The following RBFOX1 variants were observed in gnomAD, a reference collection of about 807,000 sequenced individuals.
RBFOX1 encodes RNA binding protein fox-1 homolog 1.
Under a neutral mutation model 57.7 loss-of-function variants are expected in RBFOX1, and 8 were observed. The observed-to-expected ratio is 0.14, with a 90% CI of 0.08 to 0.25. The LOEUF (loss-of-function observed/expected upper bound fraction) is 0.25, where lower values mean the gene tolerates loss of function less well. Ranked by LOEUF, RBFOX1 falls within the 10% of genes least tolerant of loss-of-function variation. The pLI is 1.00. For synonymous variants in RBFOX1, 326 were observed against 222.4 expected (o/e 1.47, Z -4.15); for missense variants, 611 against 548.5 (o/e 1.11, Z -1.14).
At position 7,211,736 on chromosome 16, in the gene RBFOX1, G is replaced by C. The variant is rs558892652; in HGVS notation, c.27+159638G>C. On this transcript the variant is annotated intron_variant, in intron 4 of 15. Transcript: ENST00000550418. ...CCTTTTCAGCTCTCGTGCCAGGTGG[G>C]CATTCGCCTGAACTAGGAGGACTCG... 2.0e-5 allele frequency among the ~76,000 whole-genome samples: 3 copies of C among 152,256 alleles called. No homozygotes were observed. The South Asian group carries it at 6.2e-4, about 32-fold the overall frequency.
chr16:5,944,529 T>C (rs1353957555), intron 4 of RBFOX1, among the ~76,000 whole-genome samples: 1 of 151,990 alleles, frequency 6.6e-6, no homozygotes, highest in Non-Finnish European at 1.5e-5. Flanking sequence ...TACATCTGGC[T>C]GCAAATCCCG....
intron 3 of RBFOX1, among the ~76,000 whole-genome samples, chr16:5,850,730 G>C (rs2056874167): frequency 6.6e-6 from 1 of 152,180 alleles, no homozygotes; most frequent in African/African-American, 2.4e-5. Flanking sequence ...GAGAGTCAGT[G>C]ACAGAGGTGA....
intron 3 of RBFOX1, among the ~76,000 whole-genome samples, chr16:6,992,575 G>A (rs1027899824): frequency 2.0e-5 from 3 of 152,138 alleles, no homozygotes; most frequent in East Asian, 1.9e-4. Flanking sequence ...CTCAGTAGTC[G>A]TGGTATTTCT....
In RBFOX1 at chr16:5,301,637, A is replaced by AAAAC. The variant is rs1222721960; in HGVS notation, c.219+61533_219+61534insAACA. Among the ~76,000 whole-genome samples, 43 of 150,726 alleles carry AAAAC rather than the reference A, an allele frequency of 2.9e-4. 1 individual carries two copies. Among genetic ancestry groups the AAAAC allele is most frequent in the South Asian group, 1.0e-3 (5 of 4,766 alleles). ...CCATCTCAAAAAAAAAAAAAAAAAA[A>AAAAC]ACACACAAAAACAAAAAACTGAGCT... On this transcript the variant is annotated intron_variant, in intron 1 of 2. Coordinates refer to the RBFOX1 transcript ENST00000585867.
At chr16:6,370,549 C>T (rs948193273) in intron 2 of RBFOX1, among the ~76,000 whole-genome samples, 1 of 151,910 alleles carries the variant, frequency 6.6e-6, no homozygotes, top group African/African-American at 2.4e-5. Context: ...ATGGACAAAC[C>T]TTGAAACATT....
intron 2 of RBFOX1, among the ~76,000 whole-genome samples, chr16:6,543,833 C>G (rs1375193504): frequency 6.6e-6 from 1 of 151,896 alleles, no homozygotes; most frequent in Non-Finnish European, 1.5e-5. Context: ...CCACATCTTT[C>G]CAGATACACC....
intron 3 of RBFOX1, among the ~76,000 whole-genome samples, chr16:6,913,835 G>A (rs1056629671): frequency 1.3e-5 from 2 of 152,216 alleles, no homozygotes; most frequent in Non-Finnish European, 2.9e-5. Context: ...AGCCCTGCAT[G>A]TGGCGTAATT....
At chr16:6,570,929 G>A (rs1343427752) in intron 2 of RBFOX1, among the ~76,000 whole-genome samples, 2 of 152,086 alleles carry the variant, frequency 1.3e-5, no homozygotes, top group East Asian at 1.9e-4. Flanking sequence ...ATTGAATAAC[G>A]GTTATATTGC....
In RBFOX1 at chr16:7,711,894, T is replaced by C. The variant is rs564895554; in HGVS notation, c.*1149T>C. The C allele has an allele frequency of 1.3e-5, 2 of 152,720 alleles. No homozygotes were observed. Among genetic ancestry groups the C allele is most frequent in the Admixed American group, 6.5e-5 (1 of 15,290 alleles). The allele number at this position is 152,720 out of a possible 1,614,324, so 9.5% of individuals were successfully genotyped here. On this transcript the variant is annotated 3_prime_UTR_variant, in exon 16 of 16. Transcript: ENST00000550418. ...GGTACTTTTTGAAACGTGACTGCGT[T>C]GTGTGAACAATCTGCAATTTTTCAG...
intron 4 of RBFOX1, among the ~76,000 whole-genome samples, chr16:7,077,730 G>T (rs1338517865): frequency 1.3e-5 from 2 of 152,160 alleles, no homozygotes; most frequent in Non-Finnish European, 2.9e-5. Flanking sequence ...CTGGGGTTGT[G>T]CAAGTATTAG....
chr16:6,497,013 A>T (rs895519094), intron 2 of RBFOX1, among the ~76,000 whole-genome samples: 1 of 152,224 alleles, frequency 6.6e-6, no homozygotes, highest in Non-Finnish European at 1.5e-5. Context: ...GCCAAGTACT[A>T]CGAGAGGCAC....
At chr16:7,259,287 C>G (rs574714876) in intron 4 of RBFOX1, among the ~76,000 whole-genome samples, 1 of 152,278 alleles carries the variant, frequency 6.6e-6, no homozygotes, top group East Asian at 1.9e-4. Context: ...CAAAGAGAGG[C>G]TTAAACCCTA....
intron 2 of RBFOX1, among the ~76,000 whole-genome samples, chr16:6,451,583 C>T (rs913428791): frequency 6.6e-6 from 1 of 152,162 alleles, no homozygotes; most frequent in East Asian, 1.9e-4. Context: ...CCACCTTCAC[C>T]TGGAAATAAT....
At chr16:6,177,186 G>GTTT (rs569428293) in intron 1 of RBFOX1, among the ~76,000 whole-genome samples, 3 of 128,628 alleles carry the variant, frequency 2.3e-5, no homozygotes, top group Admixed American at 7.7e-5. Flanking sequence ...TTTCTTGTTT[G>GTTT]TTTTTTTTTT....
At chr16:7,080,042 G>GTATATATATATACATATTATATA (rs1555455709) in intron 4 of RBFOX1, among the ~76,000 whole-genome samples, 2 of 142,080 alleles carry the variant, frequency 1.4e-5, no homozygotes, top group African/African-American at 5.3e-5. Flanking sequence ...GTATATAGAT[G>GTATATATATATACATATTATATA]TATATATATA....
chr16:6,710,970 C>A (rs902309005), intron 3 of RBFOX1, among the ~76,000 whole-genome samples: 1 of 152,114 alleles, frequency 6.6e-6, no homozygotes, highest in Non-Finnish European at 1.5e-5. Flanking sequence ...GTGCAATTCC[C>A]CAAAGAAGCT....
At chr16:5,667,559 C>T (rs1387174840) in intron 3 of RBFOX1, among the ~76,000 whole-genome samples, 1 of 152,140 alleles carries the variant, frequency 6.6e-6, no homozygotes, top group Non-Finnish European at 1.5e-5. Context: ...TTCTTGATTT[C>T]CTTTGTGGCC....
intron 1 of RBFOX1, among the ~76,000 whole-genome samples, chr16:6,192,698 G>T (rs1038373136): frequency 1.3e-5 from 2 of 152,088 alleles, no homozygotes; most frequent in African/African-American, 2.4e-5. Flanking sequence ...GTGTCTGTTT[G>T]GTTATCTATA....
intron 2 of RBFOX1, among the ~76,000 whole-genome samples, chr16:5,530,932 AT>A (rs2044445038): frequency 2.6e-5 from 1 of 37,998 alleles, no homozygotes; most frequent in Non-Finnish European, 3.9e-5. Context: ...TACTAAAAAT[AT>A]AAAAAAAAAA....
Sources: gnomAD v4.1 joint callset for allele counts (sites outside exome capture counted in the v4.1 genomes callset) on GRCh38, gnomAD v4.1.1 for gene constraint, MANE v1.5 for transcripts, NCBI Gene and HGNC (gene_info 2026-07-23, HGNC 2026-07-21) for gene names.